The following NSMCE2 variants were observed in gnomAD, a reference collection of about 807,000 sequenced individuals.
NSMCE2 encodes the protein E3 SUMO-protein ligase NSE2.
Under a neutral mutation model 23.8 loss-of-function variants are expected in NSMCE2, and 24 were observed. The observed-to-expected ratio is 1.01, with a 90% CI of 0.73 to 1.42. The LOEUF (loss-of-function observed/expected upper bound fraction) is 1.42. Ranked by LOEUF, NSMCE2 falls within the 40% of genes most tolerant of loss-of-function variation. The pLI is 0.00. For synonymous variants in NSMCE2, 92 were observed against 94.1 expected (o/e 0.98, Z 0.13); for missense variants, 284 against 296.5 (o/e 0.96, Z 0.31).
chr8:125,093,460 G>A (rs1006038672), intron 1 of NSMCE2, among the ~76,000 whole-genome samples: 2 of 152,094 alleles, frequency 1.3e-5, no homozygotes, highest in African/African-American at 2.4e-5. Flanking sequence ...AGGCCAAGGC[G>A]GGCGGATCAC....
At chr8:125,129,943 C>G (rs1215262905) in intron 3 of NSMCE2, among the ~76,000 whole-genome samples, 4 of 152,140 alleles carry the variant, frequency 2.6e-5, no homozygotes, top group Non-Finnish European at 4.4e-5. Context: ...TAAGGAACAA[C>G]TCTGGTACAT....
At chr8:125,214,960 G>C (rs1824509753) in intron 5 of NSMCE2, among the ~76,000 whole-genome samples, 1 of 152,024 alleles carries the variant, frequency 6.6e-6, no homozygotes, top group South Asian at 2.1e-4. Flanking sequence ...GATGGAAACT[G>C]TACCCATTAA....
intron 5 of NSMCE2, among the ~76,000 whole-genome samples, chr8:125,246,554 G>A (rs1388912956): frequency 6.6e-6 from 1 of 152,016 alleles, no homozygotes; most frequent in Non-Finnish European, 1.5e-5. Context: ...GACAAAAACA[G>A]AATTTAAAGA....
rs142924472 is a variant in NSMCE2, at chr8:125,360,643, C to T, written c.626+2825C>T. On this transcript the variant is annotated intron_variant, in intron 7 of 7. Coordinates refer to ENST00000287437, the MANE Select transcript of NSMCE2 (RefSeq NM_173685.4). ...GGCGGGGTGGGCAGGGTTCTGAAGG[C>T]CAGGTGCATTTGGGCAGCAGTAGAT... 4.7e-3 allele frequency among the ~76,000 whole-genome samples: 716 copies of T among 152,242 alleles called. 6 individuals are homozygous for T. The highest frequency in any genetic ancestry group is 7.8e-3 in the Non-Finnish European group (528 of 68,006).
At chr8:125,343,489 ATTAG>A (rs1830322127) in intron 5 of NSMCE2, among the ~76,000 whole-genome samples, 1 of 151,984 alleles carries the variant, frequency 6.6e-6, no homozygotes, top group Non-Finnish European at 1.5e-5. Context: ...TAAAGTATGA[ATTAG>A]CCAGGCGTGT....
At chr8:125,107,648 T>C (rs1256718357) in intron 3 of NSMCE2, among the ~76,000 whole-genome samples, 1 of 152,158 alleles carries the variant, frequency 6.6e-6, no homozygotes, top group Admixed American at 6.5e-5. Context: ...TTTGCACCAT[T>C]AGTACAAACA....
chr8:125,171,239 A>C (rs1046033911), intron 4 of NSMCE2, among the ~76,000 whole-genome samples: 1 of 152,104 alleles, frequency 6.6e-6, no homozygotes, highest in African/African-American at 2.4e-5. Context: ...TTATTCTTCT[A>C]CTCAAGTAGA....
At chr8:125,179,883 A>G (rs918623692) in intron 4 of NSMCE2, among the ~76,000 whole-genome samples, 3 of 152,338 alleles carry the variant, frequency 2.0e-5, no homozygotes, top group African/African-American at 7.2e-5. Flanking sequence ...GGAAAACAAC[A>G]TTCAGATTTT....
At chr8:125,237,184 A>G (rs542118760) in intron 5 of NSMCE2, among the ~76,000 whole-genome samples, 1 of 152,182 alleles carries the variant, frequency 6.6e-6, no homozygotes, top group Non-Finnish European at 1.5e-5. Flanking sequence ...GGGACATGAA[A>G]TTACCCCCTG....
At chr8:125,193,476 A>T (rs1397183863) in intron 5 of NSMCE2, among the ~76,000 whole-genome samples, 2 of 152,232 alleles carry the variant, frequency 1.3e-5, no homozygotes, top group Non-Finnish European at 2.9e-5. Flanking sequence ...AACCACATTC[A>T]TAGAATAAAC....
chr8:125,114,780 TATACACATAC>T (rs1434579777), intron 3 of NSMCE2, among the ~76,000 whole-genome samples: 1 of 152,220 alleles, frequency 6.6e-6, no homozygotes, highest in Non-Finnish European at 1.5e-5. Context: ...CATACATACA[TATACACATAC>T]ATACACATAC....
At chr8:125,244,527 GA>G (rs1006019565) in intron 5 of NSMCE2, among the ~76,000 whole-genome samples, 1 of 152,036 alleles carries the variant, frequency 6.6e-6, no homozygotes, top group Non-Finnish European at 1.5e-5. Context: ...ACAAGGATTC[GA>G]ATTGGCTTTT....
intron 5 of NSMCE2, among the ~76,000 whole-genome samples, chr8:125,347,791 T>C (rs908274980): frequency 2.6e-5 from 4 of 152,132 alleles, no homozygotes; most frequent in Admixed American, 6.5e-5. Flanking sequence ...TTGGGTTAGA[T>C]TGGATAGAGA....
chr8:125,359,895 AG>A, intron 7 of NSMCE2, among the ~76,000 whole-genome samples: 1 of 152,170 alleles, frequency 6.6e-6, no homozygotes, highest in Non-Finnish European at 1.5e-5. Context: ...CCTGGAGTTT[AG>A]GAAGTTACTC....
At chr8:125,149,194 C>G (rs780962833) in intron 3 of NSMCE2, among the ~76,000 whole-genome samples, 76 of 152,240 alleles carry the variant, frequency 5.0e-4, no homozygotes, top group Non-Finnish European at 9.3e-4. Context: ...TCCCCTGACC[C>G]CCTAACTTAC....
chr8:125,144,534 A>C lies in NSMCE2; in HGVS notation c.158-6637A>C, dbSNP rs1194014238. 3.9e-5 allele frequency among the ~76,000 whole-genome samples: 6 copies of C among 152,232 alleles called. 1 individual carries two copies. Among genetic ancestry groups the C allele is most frequent in the Non-Finnish European group, 8.8e-5 (6 of 68,040 alleles). On this transcript the variant is annotated intron_variant, in intron 3 of 7. Coordinates refer to ENST00000287437, the MANE Select transcript of NSMCE2 (RefSeq NM_173685.4). ...AGCTCATGAGTCCATGCTGTGCTACATAAGGACCGTATTGCTACAGGCTTA... is the reference window on the plus strand; with the variant it reads ...AGCTCATGAGTCCATGCTGTGCTACCTAAGGACCGTATTGCTACAGGCTTA...
At chr8:125,199,734 T>C (rs1450539487) in intron 5 of NSMCE2, among the ~76,000 whole-genome samples, 1 of 152,216 alleles carries the variant, frequency 6.6e-6, no homozygotes, top group African/African-American at 2.4e-5. Context: ...ATATCCTTGT[T>C]AACCTTCTGT....
intron 3 of NSMCE2, among the ~76,000 whole-genome samples, chr8:125,124,666 C>T (rs1177558586): frequency 6.6e-6 from 1 of 151,680 alleles, no homozygotes; most frequent in African/African-American, 2.4e-5. Context: ...TTTGTAGAGA[C>T]AAGGTCTTGC....
chr8:125,262,983 G>A (rs1237059298), intron 5 of NSMCE2, among the ~76,000 whole-genome samples: 5 of 152,142 alleles, frequency 3.3e-5, no homozygotes, highest in African/African-American at 1.2e-4. Context: ...AGATCTATAT[G>A]TTTATGCTGG....
Sources: gnomAD v4.1 joint callset for allele counts (sites outside exome capture counted in the v4.1 genomes callset) on GRCh38, gnomAD v4.1.1 for gene constraint, MANE v1.5 for transcripts, NCBI Gene and HGNC (gene_info 2026-07-23, HGNC 2026-07-21) for gene names.